Variants in DNAH14 observed in about 807,000 individuals in gnomAD.
The protein encoded by DNAH14 is axonemal beta dynein heavy chain 14.
A neutral mutation model predicts 520.9 loss-of-function variants in DNAH14; 478 were observed. The ratio of observed to expected loss-of-function variants is 0.92; its 90% CI spans 0.85 to 0.99. The LOEUF (loss-of-function observed/expected upper bound fraction) is 0.99. DNAH14 is among the 50% of genes least tolerant of loss of function. The pLI is 0.00. For missense variants in DNAH14, 4,831 were observed against 5,234.5 expected, an observed-to-expected ratio of 0.92 and a Z score of 2.38; for synonymous variants, 1,581 against 1,757.2, an observed-to-expected ratio of 0.90 and a Z score of 2.51.
chr1:224,962,541 G>A (rs1003975391), intron 4 of DNAH14, among the ~76,000 whole-genome samples: 67 of 152,042 alleles, frequency 4.4e-4, no homozygotes, highest in African/African-American at 1.5e-3. Flanking sequence ...ATAAGGAAAC[G>A]AATTCCACCT....
chr1:225,079,618 A>G (rs2072855456), intron 18 of DNAH14, 70 bp downstream of exon 18: 2 of 1,144,442 alleles, frequency 1.7e-6, no homozygotes, highest in East Asian at 2.8e-5. Context: ...AAGTCCAGGC[A>G]TTTGGGTATT....
chr1:225,064,545 A>C (rs2148443503), intron 17 of DNAH14, among the ~76,000 whole-genome samples: 1 of 151,156 alleles, frequency 6.6e-6, no homozygotes, highest in South Asian at 2.1e-4. Flanking sequence ...AGATAAGAAA[A>C]ATTTGATATA....
chr1:224,950,655 G>T (rs1259774801), intron 1 of DNAH14, among the ~76,000 whole-genome samples: 1 of 152,206 alleles, frequency 6.6e-6, no homozygotes, highest in Admixed American at 6.5e-5. Flanking sequence ...TGAGGTTGGG[G>T]TTAGCATATA....
chr1:225,149,027 C>T (rs1382655666), intron 31 of DNAH14, among the ~76,000 whole-genome samples: 1 of 152,152 alleles, frequency 6.6e-6, no homozygotes. Flanking sequence ...AATCTTGGCC[C>T]ATTCCTATGT....
intron 38 of DNAH14, among the ~76,000 whole-genome samples, chr1:225,194,137 A>G (rs2085802172): frequency 2.6e-5 from 4 of 152,138 alleles, no homozygotes; most frequent in Admixed American, 2.6e-4. Context: ...GCAATTACAG[A>G]CTTAATGCTA....
chr1:225,290,626 GAT>G (rs1218555818), intron 55 of DNAH14, among the ~76,000 whole-genome samples: 7 of 50,596 alleles, frequency 1.4e-4, no homozygotes, highest in Admixed American at 2.3e-4. Context: ...TGTGTGTATA[GAT>G]ATATGTGTGT....
chr1:225,393,802 A>G (rs1307681363), intron 84 of DNAH14, among the ~76,000 whole-genome samples: 2 of 150,448 alleles, frequency 1.3e-5, no homozygotes, highest in African/African-American at 2.5e-5. Flanking sequence ...GTGCAGTGAT[A>G]TATCTTTTTT....
intron 57 of DNAH14, 131 bp from the exon 58 acceptor site, chr1:225,304,777 C>G (rs975629048): frequency 1.2e-6 from 1 of 862,780 alleles, no homozygotes; most frequent in Admixed American, 3.5e-5. Flanking sequence ...CCTGCTCATC[C>G]GGGAGCTCTC....
chr1:225,095,334 T>A (rs1180516555), intron 21 of DNAH14, among the ~76,000 whole-genome samples: 1 of 152,014 alleles, frequency 6.6e-6, no homozygotes, highest in Non-Finnish European at 1.5e-5. Flanking sequence ...AAGAATGAGA[T>A]CATGTTCTTT....
In DNAH14 at chr1:225,043,039, C is replaced by T. The variant is rs1176849229; in HGVS notation, c.1693C>T (p.His565Tyr). The change falls in exon 13 of 86, where the codon CAC (histidine) becomes TAC (tyrosine). Residue 565 changes from histidine to tyrosine, a missense_variant. Transcript: ENST00000682510. ...SENKDNCVKK[H>Y]SSEELLPKAK... ...AAATAAAGACAATTGTGTCAAAAAA[C>T]ACTCAAGTGAAGAATTGCTCCCAAA... The T allele has an allele frequency of 2.6e-6, 4 of 1,551,524 alleles. No homozygotes were observed. Among genetic ancestry groups the T allele is most frequent in the Non-Finnish European group, 2.6e-6 (3 of 1,146,934 alleles).
intron 47 of DNAH14, among the ~76,000 whole-genome samples, chr1:225,264,501 G>A (rs145270265): frequency 6.6e-6 from 1 of 152,102 alleles, no homozygotes; most frequent in Non-Finnish European, 1.5e-5. Context: ...CTGATACTTG[G>A]TGGATATATC....
chr1:225,321,575 C>T (rs906798893), intron 61 of DNAH14, among the ~76,000 whole-genome samples: 8 of 152,160 alleles, frequency 5.3e-5, no homozygotes, highest in African/African-American at 1.9e-4. Flanking sequence ...GCTCATTACC[C>T]ATGTGTGGAC....
intron 8 of DNAH14, among the ~76,000 whole-genome samples, chr1:224,991,773 C>A (rs2125763843): frequency 6.6e-6 from 1 of 151,996 alleles, no homozygotes; most frequent in South Asian, 2.1e-4. Flanking sequence ...GTATATGTAC[C>A]ACATTTTCTT....
intron 23 of DNAH14, among the ~76,000 whole-genome samples, chr1:225,105,618 T>C (rs1159990078): frequency 1.3e-5 from 2 of 152,252 alleles, no homozygotes; most frequent in Admixed American, 1.3e-4. Flanking sequence ...TCTTGTTGAA[T>C]TGATCCTTTT....
At chr1:224,943,626 G>T (rs904509815) in intron 1 of DNAH14, among the ~76,000 whole-genome samples, 1 of 151,904 alleles carries the variant, frequency 6.6e-6, no homozygotes, top group African/African-American at 2.4e-5. Flanking sequence ...TCTCTTGTGG[G>T]CATTTAGTGC....
chr1:225,078,767 A>C (rs1166505126), intron 17 of DNAH14, among the ~76,000 whole-genome samples: 4 of 30,770 alleles, frequency 1.3e-4, no homozygotes, highest in East Asian at 1.0e-3. Flanking sequence ...CCCCATTCTC[A>C]ATCTCTCTCT....
intron 36 of DNAH14, among the ~76,000 whole-genome samples, chr1:225,169,685 AG>A (rs2082398656): frequency 6.6e-6 from 1 of 152,148 alleles, no homozygotes; most frequent in Non-Finnish European, 1.5e-5. Context: ...GGAACCAAGT[AG>A]GAAAACACTC....
intron 54 of DNAH14, among the ~76,000 whole-genome samples, chr1:225,280,319 G>A (rs2149910246): frequency 6.6e-6 from 1 of 152,282 alleles, no homozygotes; most frequent in Non-Finnish European, 1.5e-5. Flanking sequence ...TTCAATCACA[G>A]CTGGGTGCGG....
At chr1:225,151,468 C>T (rs766054236) in intron 31 of DNAH14, among the ~76,000 whole-genome samples, 1 of 152,164 alleles carries the variant, frequency 6.6e-6, no homozygotes, top group Non-Finnish European at 1.5e-5. Flanking sequence ...TCTTTGGTAT[C>T]AGCTGTCCAA....
Sources: gnomAD v4.1 joint callset for allele counts (sites outside exome capture counted in the v4.1 genomes callset) on GRCh38, gnomAD v4.1.1 for gene constraint, MANE v1.5 for transcripts, NCBI Gene and HGNC (gene_info 2026-07-23, HGNC 2026-07-21) for gene names.